Variants in BRIP1 observed in about 807,000 individuals in gnomAD.
BRIP1 encodes Fanconi anemia group J protein.
In BRIP1, 88 loss-of-function variants were observed where a neutral mutation model predicts 119.7. That is an observed-to-expected ratio of 0.74 (90% CI 0.62 to 0.88). BRIP1 has a LOEUF of 0.88. Among genes scored for constraint, BRIP1 ranks in the 40% least tolerant of loss-of-function variants. The pLI, the probability that BRIP1 is intolerant of heterozygous loss-of-function variation, is 0.00. For missense variants in BRIP1, 1,259 were observed against 1,455.4 expected (o/e 0.87, Z 2.20); for synonymous variants, 443 against 496.5 (o/e 0.89, Z 1.43).
intron 10 of BRIP1, among the ~76,000 whole-genome samples, chr17:61,785,703 G>A (rs962098761): frequency 6.6e-6 from 1 of 152,026 alleles, no homozygotes; most frequent in South Asian, 2.1e-4. Flanking sequence ...TATTCTTTTT[G>A]AAAAATGAAG....
intron 16 of BRIP1, among the ~76,000 whole-genome samples, chr17:61,732,779 C>T (rs891585582): frequency 7.2e-5 from 11 of 152,016 alleles, no homozygotes; most frequent in African/African-American, 2.2e-4. Context: ...GCAACCTTTG[C>T]CCCTTAGGTA....
Position 61,846,356 on chromosome 17 carries a change from G to A in BRIP1, c.627+745C>T, listed in dbSNP as rs192136357. ...TTGCTTTTGCGCCACCAGTACAAATGTCAAGACAATCCAAAAGGCAATAAT... is the reference window on the plus strand; with the variant it reads ...TTGCTTTTGCGCCACCAGTACAAATATCAAGACAATCCAAAAGGCAATAAT... On this transcript the variant is annotated intron_variant, in intron 6 of 19. Transcript: ENST00000259008. The surrounding 1 kb of genome is among the most constrained non-coding windows in gnomAD (Gnocchi z 4.3). Among the ~76,000 whole-genome samples, 44 of 151,856 alleles carry A rather than the reference G, an allele frequency of 2.9e-4. No individual in the cohort carries two copies. Among genetic ancestry groups the A allele is most frequent in the African/African-American group, 9.4e-4 (39 of 41,446 alleles).
At position 61,857,480 on chromosome 17, in the gene BRIP1, T is replaced by C. The variant is rs375491812; in HGVS notation, c.206-249A>G. Among the ~76,000 whole-genome samples the C allele has an allele frequency of 6.6e-6, 1 of 152,216 alleles. No homozygotes were observed. The highest frequency in any genetic ancestry group is 1.9e-4 in the East Asian group (1 of 5,180). Reference sequence around the variant, plus strand: ...GGCTCACGCCTGTTATCCTAGCACTTTGGGAGGCCGAGGCAGGCACATCAA... The same window carrying C: ...GGCTCACGCCTGTTATCCTAGCACTCTGGGAGGCCGAGGCAGGCACATCAA... On this transcript the variant is annotated intron_variant, in intron 3 of 19. Coordinates refer to ENST00000259008, the MANE Select transcript of BRIP1 (RefSeq NM_032043.3). The surrounding 1 kb of genome is among the most constrained non-coding windows in gnomAD (Gnocchi z 5.1).
In BRIP1 at chr17:61,784,384, G is replaced by A. The variant is rs945661395; in HGVS notation, c.1514C>T (p.Ser505Leu). The change falls in exon 11 of 20, where the codon TCA becomes TTA. Residue 505 changes from serine to leucine, a missense_variant. By Grantham distance (145) the Ser-to-Leu change is moderately radical. Around this residue, in one of 3 missense-constraint regions of BRIP1, gnomAD observed 753 missense variants for 891.8 expected, o/e 0.84. Coordinates refer to ENST00000259008, the MANE Select transcript of BRIP1 (RefSeq NM_032043.3). ...TGCCTCCTCTTTACCATAAATTGGTGAGATTTTTTCCTCTTTTTGAAGAAC... is the reference window on the plus strand; with the variant it reads ...TGCCTCCTCTTTACCATAAATTGGTAAGATTTTTTCCTCTTTTTGAAGAAC... Reference protein sequence around the residue: ...SAVLQKEEKISPIYGKEEARE... With the variant: ...SAVLQKEEKILPIYGKEEARE... The A allele has an allele frequency of 6.2e-7, 1 of 1,613,230 alleles. No homozygotes were observed. Among genetic ancestry groups the A allele is most frequent in the Non-Finnish European group, 8.5e-7 (1 of 1,179,526 alleles).
At chr17:61,685,550 A>ATT in intron 19 of BRIP1, 2 of 438,362 alleles carry the variant, frequency 4.6e-6, no homozygotes, top group Non-Finnish European at 4.0e-6. Flanking sequence ...CTAGGCAGGC[A>ATT]TTTTTTTTTT....
chr17:61,821,952 AAAAT>A lies in BRIP1; in HGVS notation c.628-13199_628-13196del, dbSNP rs558757514. On this transcript the variant is annotated intron_variant, in intron 6 of 19. Coordinates refer to ENST00000259008, the MANE Select transcript of BRIP1 (RefSeq NM_032043.3). ...AATATTACTGGTAGAAATAAGCAAC[AAAAT>A]AAATAAATCTCACATTAACTAAAAC... 3.8e-3 allele frequency among the ~76,000 whole-genome samples: 578 copies of A among 152,320 alleles called. 5 individuals carry two copies. Among genetic ancestry groups the A allele is most frequent in the African/African-American group, 0.013 (529 of 41,564 alleles).
In BRIP1 at chr17:61,743,274, G is replaced by C. The variant is rs898656606; in HGVS notation, c.2258-140C>G. On this transcript the variant is annotated intron_variant, in intron 15 of 19. Transcript: ENST00000259008. The surrounding 1 kb of genome is among the most constrained non-coding windows in gnomAD (Gnocchi z 4.3). ...AAATAAAACACTATTATGAGATAAA[G>C]TTTTAAAAGTTCAATGTCTTTAAGT... 5.2e-6 allele frequency: 6 copies of C among 1,144,824 alleles called. No individual in the cohort carries two copies. In the African/African-American group the frequency reaches 7.8e-5, roughly 15 times the overall value. 70.9% of individuals were successfully genotyped at this position (1,144,824 alleles called of 1,614,324 possible). A position where few individuals can be genotyped will look rare whatever the true frequency, so the allele number is the denominator to read the frequency against.
Position 61,759,644 on chromosome 17 carries a change from T to C in BRIP1, c.2098-15053A>G, listed in dbSNP as rs747669338. 2.0e-5 allele frequency among the ~76,000 whole-genome samples: 3 copies of C among 152,044 alleles called. No homozygotes were observed. Among genetic ancestry groups the C allele is most frequent in the African/African-American group, 4.8e-5 (2 of 41,426 alleles). On this transcript the variant is annotated intron_variant, in intron 14 of 19. Coordinates refer to ENST00000259008, the MANE Select transcript of BRIP1 (RefSeq NM_032043.3). This position sits in a 1 kb window ranked among gnomAD's most constrained non-coding sequence, Gnocchi z 4.9. ...TTTCAGACCACCACAATAAAGCAAA[T>C]ATCACAATAAAGTGAGTCATACATT...
chr17:61,773,168 G>C (rs1200143190), intron 14 of BRIP1, among the ~76,000 whole-genome samples: 1 of 151,810 alleles, frequency 6.6e-6, no homozygotes, highest in African/African-American at 2.4e-5. Flanking sequence ...CAATTAAAAA[G>C]ACAAATACAA....
At chr17:61,854,542 A>G (rs144519382) in intron 4 of BRIP1, among the ~76,000 whole-genome samples, 2 of 151,640 alleles carry the variant, frequency 1.3e-5, no homozygotes, top group Non-Finnish European at 2.9e-5. Flanking sequence ...CCCCATCTCT[A>G]CTAAAAATAC....
rs7220719 is a variant in BRIP1, at chr17:61,736,921, A to G, written c.2379+6092T>C. Among the ~76,000 whole-genome samples, 110,751 of 152,038 alleles carry G rather than the reference A, an allele frequency of 0.73. 40,969 individuals are homozygous for G. Among genetic ancestry groups the G allele is most frequent in the Middle Eastern group, 0.81 (239 of 294 alleles). On this transcript the variant is annotated intron_variant, in intron 16 of 19. Transcript: ENST00000259008. The surrounding 1 kb of genome is among the most constrained non-coding windows in gnomAD (Gnocchi z 4.4). ...GAATTGCAATTCCTCTGTTTTCCCT[A>G]TATTATTTAAAAGGCAAATGCATAA...
rs952326093 is a variant in BRIP1, at chr17:61,744,817, G to A, written c.2098-226C>T. On this transcript the variant is annotated intron_variant, in intron 14 of 19. Transcript: ENST00000259008. The surrounding 1 kb of genome is among the most constrained non-coding windows in gnomAD (Gnocchi z 5.0). ...GCTGGCACAGTTAGCTGCTGCTGCT[G>A]CTACTACTACTATTATCTTGGCAAT... 3.3e-5 allele frequency among the ~76,000 whole-genome samples: 5 copies of A among 150,866 alleles called. No homozygotes were observed. Among genetic ancestry groups the A allele is most frequent in the African/African-American group, 1.2e-4 (5 of 41,254 alleles).
At position 61,738,927 on chromosome 17, in the gene BRIP1, T is replaced by A. The variant is rs957442315; in HGVS notation, c.2379+4086A>T. On this transcript the variant is annotated intron_variant, in intron 16 of 19. Transcript: ENST00000259008. This position sits in a 1 kb window ranked among gnomAD's most constrained non-coding sequence, Gnocchi z 4.2. ...ATAATCTTGATGATCCTTTCAGGCCTTGTTACTTTGTACGTATAATATTTA... is the reference window on the plus strand; with the variant it reads ...ATAATCTTGATGATCCTTTCAGGCCATGTTACTTTGTACGTATAATATTTA... 1.3e-5 allele frequency: 2 copies of A among 152,940 alleles called. No individual in the cohort carries two copies. Among genetic ancestry groups the A allele is most frequent in the African/African-American group, 2.4e-5 (1 of 41,480 alleles). The allele number at this position is 152,940 out of a possible 1,614,324, so 9.5% of individuals were successfully genotyped here. A position where few individuals can be genotyped will look rare whatever the true frequency, so the allele number is the denominator to read the frequency against.
rs377534472 is a variant in BRIP1, at chr17:61,799,584, T to C, written c.1141-285A>G. On this transcript the variant is annotated intron_variant, in intron 8 of 19. Transcript: ENST00000259008. This position sits in a 1 kb window ranked among gnomAD's most constrained non-coding sequence, Gnocchi z 5.1. Reference sequence around the variant, plus strand: ...GAGTCTGGATCAAGGTACCACAGGCTACACAGAAAGGTATAAAATCCCACT... The same window carrying C: ...GAGTCTGGATCAAGGTACCACAGGCCACACAGAAAGGTATAAAATCCCACT... Among the ~76,000 whole-genome samples the C allele has an allele frequency of 5.5e-4, 83 of 152,194 alleles. 1 individual carries two copies. In the South Asian group the frequency reaches 0.016, roughly 30 times the overall value.
At chr17:61,749,636 G>T (rs2077106486) in intron 14 of BRIP1, among the ~76,000 whole-genome samples, 1 of 152,142 alleles carries the variant, frequency 6.6e-6, no homozygotes, top group Admixed American at 6.6e-5. Context: ...TGGAATCCTT[G>T]TGTATTGCTG....
chr17:61,802,736 G>C lies in BRIP1; in HGVS notation c.919-1262C>G, dbSNP rs368818119. 1.5e-3 allele frequency among the ~76,000 whole-genome samples: 222 copies of C among 152,208 alleles called. 1 individual carries two copies. Among genetic ancestry groups the C allele is most frequent in the African/African-American group, 5.2e-3 (218 of 41,536 alleles). On this transcript the variant is annotated intron_variant, in intron 7 of 19. Coordinates refer to ENST00000259008, the MANE Select transcript of BRIP1 (RefSeq NM_032043.3). The surrounding 1 kb of genome is among the most constrained non-coding windows in gnomAD (Gnocchi z 6.0). ...TACCAATTTCTGCTTTAGACATAAG[G>C]CTGCAGTGAGCATTCTTATGCTGGT...
Position 61,804,498 on chromosome 17 carries a change from C to T in BRIP1, c.919-3024G>A, listed in dbSNP as rs538559000. 1.8e-4 allele frequency among the ~76,000 whole-genome samples: 27 copies of T among 151,150 alleles called. No individual in the cohort carries two copies. The South Asian group carries it at 4.6e-3, about 26-fold the overall frequency. On this transcript the variant is annotated intron_variant, in intron 7 of 19. Coordinates refer to ENST00000259008, the MANE Select transcript of BRIP1 (RefSeq NM_032043.3). The surrounding 1 kb of genome is among the most constrained non-coding windows in gnomAD (Gnocchi z 4.5). Reference sequence around the variant, plus strand: ...TATACATATGGGTTCAAGCACTTCTCATGCCTCAGCCTCCCAAGTAGCTGG... The same window carrying T: ...TATACATATGGGTTCAAGCACTTCTTATGCCTCAGCCTCCCAAGTAGCTGG...
chr17:61,683,375 CCCAGTT>C lies in BRIP1; in HGVS notation c.3665_3670del (p.Glu1222_Leu1223del), dbSNP rs1389136335. On this transcript the variant is annotated inframe_deletion, in exon 20 of 20. Coordinates refer to ENST00000259008, the MANE Select transcript of BRIP1 (RefSeq NM_032043.3). The surrounding 1 kb of genome is among the most constrained non-coding windows in gnomAD (Gnocchi z 4.7). ...CTTTATTTCTATTTCATGAGTTTTT[CCCAGTT>C]CCAGTTCATTTATCCAAGTTGTTTT... 6.2e-7 allele frequency: 1 copy of C among 1,612,530 alleles called. No homozygotes were observed. Among genetic ancestry groups the C allele is most frequent in the South Asian group, 1.1e-5 (1 of 90,698 alleles).
Position 61,847,114 on chromosome 17 carries a change from AAGG to A in BRIP1, c.611_613del (p.Ser204del), listed in dbSNP as rs1060501731. The A allele has an allele frequency of 2.5e-6, 4 of 1,613,790 alleles. No individual in the cohort carries two copies. Among genetic ancestry groups the A allele is most frequent in the Admixed American group, 3.3e-5 (2 of 60,006 alleles). ...ATTAATACATACTTTCTGTGGCGAA[AAGG>A]AGTTTATCTTTTCCAGTGGAGAGTT... On this transcript the variant is annotated inframe_deletion, in exon 6 of 20. Transcript: ENST00000259008.
Sources: gnomAD v4.1 joint callset for allele counts (sites outside exome capture counted in the v4.1 genomes callset) on GRCh38, gnomAD v4.1.1 for gene constraint, gnomAD v4.1.1 regional missense constraint, Gnocchi (gnomAD v3.1) non-coding constraint, MANE v1.5 for transcripts, NCBI Gene and HGNC (gene_info 2026-07-23, HGNC 2026-07-21) for gene names.